NUMB: variants seen among roughly 807,000 people sequenced by gnomAD.
NUMB encodes protein numb homolog.
A neutral mutation model predicts 59.7 loss-of-function variants in NUMB; 29 were observed. The ratio of observed to expected loss-of-function variants is 0.49; its 90% CI spans 0.36 to 0.66. NUMB has a LOEUF of 0.66. NUMB is among the 30% of genes least tolerant of loss of function. NUMB has a pLI of 0.00. For missense variants in NUMB, 723 were observed against 822.0 expected (o/e 0.88, Z 1.47); for synonymous variants, 288 against 288.2 (o/e 1.00, Z 0.01).
chr14:73,436,163 C>A (rs1314465963), intron 1 of NUMB, among the ~76,000 whole-genome samples: 1 of 152,028 alleles, frequency 6.6e-6, no homozygotes, highest in Admixed American at 6.6e-5. Flanking sequence ...CTATTTTTAG[C>A]CTTATTTTTA....
At chr14:73,428,779 T>G (rs965588301) in intron 1 of NUMB, among the ~76,000 whole-genome samples, 3 of 152,014 alleles carry the variant, frequency 2.0e-5, no homozygotes, top group African/African-American at 7.3e-5. Context: ...ACCACTGCAC[T>G]CCAGCCTGGG....
chr14:73,413,074 ATTTTT>A (rs1896965885), intron 1 of NUMB, among the ~76,000 whole-genome samples: 1 of 151,120 alleles, frequency 6.6e-6, no homozygotes, highest in Non-Finnish European at 1.5e-5. Context: ...TATTATTTTT[ATTTTT>A]ATTATTTATT....
At chr14:73,379,686 G>A (rs1895136482) in intron 2 of NUMB, among the ~76,000 whole-genome samples, 1 of 152,212 alleles carries the variant, frequency 6.6e-6, no homozygotes, top group Admixed American at 6.5e-5. Flanking sequence ...ATAGGTGGAA[G>A]AGAGCACTCC....
chr14:73,415,149 C>T (rs187147817), intron 1 of NUMB, among the ~76,000 whole-genome samples: 8 of 151,286 alleles, frequency 5.3e-5, no homozygotes, highest in Non-Finnish European at 1.0e-4. Context: ...ATGTGTTTCA[C>T]TTCATTTCGT....
At chr14:73,448,860 C>A (rs188799255) in intron 1 of NUMB, among the ~76,000 whole-genome samples, 2 of 151,960 alleles carry the variant, frequency 1.3e-5, no homozygotes, top group Admixed American at 6.6e-5. Flanking sequence ...GAGGGGGACT[C>A]GATCCAGGAC....
At chr14:73,413,932 A>G (rs1232163537) in intron 1 of NUMB, among the ~76,000 whole-genome samples, 1 of 151,656 alleles carries the variant, frequency 6.6e-6, no homozygotes, top group Non-Finnish European at 1.5e-5. Context: ...ACTGTTTTAA[A>G]TTTAATTATC....
chr14:73,429,977 C>A (rs1380425832), intron 1 of NUMB, among the ~76,000 whole-genome samples: 2 of 151,130 alleles, frequency 1.3e-5, no homozygotes, highest in Non-Finnish European at 2.9e-5. Flanking sequence ...ATGGCAAAAA[C>A]CGCAATTACT....
intron 2 of NUMB, among the ~76,000 whole-genome samples, chr14:73,408,095 C>T (rs1378095249): frequency 6.6e-6 from 1 of 152,036 alleles, no homozygotes; most frequent in Non-Finnish European, 1.5e-5. Context: ...GGCATAGTGG[C>T]ACATGCCTGT....
chr14:73,424,558 A>G (rs1034378697), intron 1 of NUMB, among the ~76,000 whole-genome samples: 2 of 152,194 alleles, frequency 1.3e-5, no homozygotes, highest in Non-Finnish European at 2.9e-5. Flanking sequence ...AGTTTATAAC[A>G]TAAGACAAAA....
At position 73,312,372 on chromosome 14, in the gene NUMB, ACT is replaced by A. The variant is rs766688384; in HGVS notation, c.234+4016_234+4017del. 6.6e-5 allele frequency among the ~76,000 whole-genome samples: 10 copies of A among 151,950 alleles called. No homozygotes were observed. The East Asian group carries it at 1.7e-3, about 27-fold the overall frequency. ...GCACCAGCCTGGGTGATGAAGGGGGACTCTGTCTCAACAACAACAACAACAAA... is the reference window on the plus strand; with the variant it reads ...GCACCAGCCTGGGTGATGAAGGGGGACTGTCTCAACAACAACAACAACAAA... On this transcript the variant is annotated intron_variant, in intron 6 of 12. Transcript: ENST00000555238.
chr14:73,435,271 C>CTTTTTT (rs11295491), intron 1 of NUMB, among the ~76,000 whole-genome samples: 1 of 112,832 alleles, frequency 8.9e-6, no homozygotes. Flanking sequence ...TTGGCAATTA[C>CTTTTTT]TTTTTTTTTT....
At position 73,279,904 on chromosome 14, in the gene NUMB, C is replaced by T. The variant is rs531522599; in HGVS notation, c.1097-480G>A. On this transcript the variant is annotated intron_variant, in intron 11 of 12. Transcript: ENST00000555238. The stretch of plus-strand genomic sequence containing the variant: ...AGGTGTGGTGGCTCACGCCTGTAAT[C>T]CCAGCACTTTGGGAGGCCGAGGTGG... Among the ~76,000 whole-genome samples, 18 of 152,358 alleles carry T rather than the reference C, an allele frequency of 1.2e-4. No individual in the cohort carries two copies. In the East Asian group the frequency reaches 2.9e-3, roughly 24 times the overall value.
chr14:73,450,127 C>T (rs1883822345), intron 1 of NUMB, among the ~76,000 whole-genome samples: 1 of 152,194 alleles, frequency 6.6e-6, no homozygotes, highest in Non-Finnish European at 1.5e-5. Context: ...TAATAATTAA[C>T]AATTACAATT....
At chr14:73,367,950 C>T (rs1305140959) in intron 2 of NUMB, among the ~76,000 whole-genome samples, 2 of 151,864 alleles carry the variant, frequency 1.3e-5, no homozygotes, top group African/African-American at 4.8e-5. Context: ...CATGTTTAAT[C>T]CCACAGTCCT....
intron 1 of NUMB, among the ~76,000 whole-genome samples, chr14:73,450,866 A>G (rs1265793143): frequency 6.8e-6 from 1 of 146,926 alleles, no homozygotes; most frequent in African/African-American, 2.5e-5. Context: ...AAATTAAGTA[A>G]ATAAACCAAA....
At chr14:73,367,524 A>G (rs1393233349) in intron 2 of NUMB, among the ~76,000 whole-genome samples, 1 of 151,932 alleles carries the variant, frequency 6.6e-6, no homozygotes, top group East Asian at 1.9e-4. Context: ...CTGTAATCCC[A>G]GCACTTCGGG....
chr14:73,435,476 G>A (rs917958891), intron 1 of NUMB, among the ~76,000 whole-genome samples: 14 of 151,030 alleles, frequency 9.3e-5, no homozygotes, highest in African/African-American at 2.9e-4. Context: ...GGGTTTAACC[G>A]TGTTCGCCAG....
At chr14:73,353,072 G>GTTGTTTTTTTTTTTTTTTTT (rs1893522798) in intron 4 of NUMB, among the ~76,000 whole-genome samples, 1 of 58,514 alleles carries the variant, frequency 1.7e-5, no homozygotes, top group Non-Finnish European at 3.3e-5. Context: ...AGTTTTTCTT[G>GTTGTTTTTTTTTTTTTTTTT]TTTTTTTTTT....
At chr14:73,426,353 A>G (rs1292256656) in intron 1 of NUMB, among the ~76,000 whole-genome samples, 1 of 152,196 alleles carries the variant, frequency 6.6e-6, no homozygotes, top group East Asian at 1.9e-4. Context: ...CTGGTTCAGA[A>G]GCAGGCAGTG....
Sources: gnomAD v4.1 joint callset for allele counts (sites outside exome capture counted in the v4.1 genomes callset) on GRCh38, gnomAD v4.1.1 for gene constraint, MANE v1.5 for transcripts, NCBI Gene and HGNC (gene_info 2026-07-23, HGNC 2026-07-21) for gene names.